The following DMRT1 variants were observed in gnomAD, a reference collection of about 807,000 sequenced individuals.
DMRT1 encodes doublesex- and mab-3-related transcription factor 1.
Under a neutral mutation model 32.3 loss-of-function variants are expected in DMRT1, and 7 were observed. The observed-to-expected ratio is 0.22, with a 90% CI of 0.12 to 0.41. The LOEUF (loss-of-function observed/expected upper bound fraction) is 0.41, where lower values mean the gene tolerates loss of function less well. Among genes scored for constraint, DMRT1 ranks in the 10% least tolerant of loss-of-function variants. The pLI is 1.00. For missense variants in DMRT1, 625 were observed against 500.5 expected, an observed-to-expected ratio of 1.25 and a Z score of -2.37; for synonymous variants, 278 against 206.1, an observed-to-expected ratio of 1.35 and a Z score of -2.99.
chr9:853,221 T>C (rs1345067263), intron 2 of DMRT1, among the ~76,000 whole-genome samples: 1 of 152,134 alleles, frequency 6.6e-6, no homozygotes, highest in African/African-American at 2.4e-5. Flanking sequence ...GTGCATTTGC[T>C]AGCATCGATG....
chr9:843,511 C>T (rs1345566569), intron 1 of DMRT1, among the ~76,000 whole-genome samples: 4 of 152,144 alleles, frequency 2.6e-5, no homozygotes, highest in Non-Finnish European at 5.9e-5. Flanking sequence ...AAAAAGCGCG[C>T]CAGGGTTTGA....
At chr9:961,680 T>C (rs1819777040) in intron 4 of DMRT1, among the ~76,000 whole-genome samples, 1 of 152,200 alleles carries the variant, frequency 6.6e-6, no homozygotes, top group African/African-American at 2.4e-5. Context: ...ATAGTAAACA[T>C]GTATTCCTGG....
intron 4 of DMRT1, among the ~76,000 whole-genome samples, chr9:952,735 G>GA (rs775841619): frequency 6.6e-6 from 1 of 152,174 alleles, no homozygotes; most frequent in African/African-American, 2.4e-5. Flanking sequence ...CACTGAAGAT[G>GA]AACCAAGTGT....
Position 871,637 on chromosome 9 carries a change from GCTAA to G in DMRT1, c.539-22272_539-22269del, listed in dbSNP as rs1325168874. On this transcript the variant is annotated intron_variant, in intron 2 of 4. Transcript: ENST00000382276. ...ATTACAGACGCGAGCCACCGCGCCG[GCTAA>G]CTTTTTGTATTTTTAGTAGAGACGG... Among the ~76,000 whole-genome samples, 5 of 137,294 alleles carry G rather than the reference GCTAA, an allele frequency of 3.6e-5. No individual in the cohort carries two copies. In the East Asian group the frequency reaches 6.3e-4, roughly 17 times the overall value. 90.1% of individuals were successfully genotyped at this position (137,294 alleles called of 152,430 possible).
At chr9:956,701 AT>A (rs1350426608) in intron 4 of DMRT1, among the ~76,000 whole-genome samples, 2 of 152,238 alleles carry the variant, frequency 1.3e-5, no homozygotes, top group Non-Finnish European at 1.5e-5. Flanking sequence ...GAAGAAGCCA[AT>A]TTGTTGACCA....
intron 3 of DMRT1, among the ~76,000 whole-genome samples, chr9:895,948 GCA>G: frequency 6.6e-6 from 1 of 151,790 alleles, no homozygotes; most frequent in Non-Finnish European, 1.5e-5. Context: ...GGGACTACAG[GCA>G]CGCGCCACCA....
At chr9:891,847 T>A (rs1023469964) in intron 2 of DMRT1, among the ~76,000 whole-genome samples, 6 of 152,196 alleles carry the variant, frequency 3.9e-5, no homozygotes, top group Non-Finnish European at 8.8e-5. Context: ...TTAACTCACA[T>A]TATTTTTGAT....
Position 942,562 on chromosome 9 carries a change from T to G in DMRT1, c.968-25423T>G, listed in dbSNP as rs72701047. ...TTTTGGGATTACAGGTGTGAGCCAC[T>G]GTGCCTGGCCTATTTTTCATTTTAA... On this transcript the variant is annotated intron_variant, in intron 4 of 4. Coordinates refer to ENST00000382276, the MANE Select transcript of DMRT1 (RefSeq NM_021951.3). 9.8e-3 allele frequency among the ~76,000 whole-genome samples: 1,492 copies of G among 152,318 alleles called. 25 individuals carry two copies. Among genetic ancestry groups the G allele is most frequent in the African/African-American group, 0.034 (1,419 of 41,570 alleles).
intron 2 of DMRT1, among the ~76,000 whole-genome samples, chr9:856,342 T>C (rs1815400254): frequency 6.6e-6 from 1 of 152,184 alleles, no homozygotes; most frequent in African/African-American, 2.4e-5. Flanking sequence ...ATTCACAGGG[T>C]TGTACCACAG....
At chr9:882,968 C>T (rs1160297432) in intron 2 of DMRT1, among the ~76,000 whole-genome samples, 11 of 151,728 alleles carry the variant, frequency 7.2e-5, no homozygotes, top group Non-Finnish European at 1.3e-4. Context: ...GACGGGGTTT[C>T]ACCATGTTGG....
At chr9:878,187 A>C in intron 2 of DMRT1, among the ~76,000 whole-genome samples, 1 of 145,854 alleles carries the variant, frequency 6.9e-6, no homozygotes, top group African/African-American at 2.6e-5. Flanking sequence ...TCAGCCCTGG[A>C]ACTGCAGCTG....
At chr9:872,682 T>G (rs1816325682) in intron 2 of DMRT1, among the ~76,000 whole-genome samples, 3 of 152,258 alleles carry the variant, frequency 2.0e-5, no homozygotes, top group Admixed American at 1.3e-4. Context: ...TACTTATCAG[T>G]ATTTTATTGT....
chr9:935,961 G>A (rs1818872316), intron 4 of DMRT1, among the ~76,000 whole-genome samples: 1 of 152,130 alleles, frequency 6.6e-6, no homozygotes, highest in Non-Finnish European at 1.5e-5. Context: ...CCTCCCATAA[G>A]TGAAATATCC....
At chr9:881,184 G>T in intron 2 of DMRT1, among the ~76,000 whole-genome samples, 1 of 152,134 alleles carries the variant, frequency 6.6e-6, no homozygotes, top group Non-Finnish European at 1.5e-5. Flanking sequence ...AAACATTCTT[G>T]GTAGGGAGGG....
intron 2 of DMRT1, among the ~76,000 whole-genome samples, chr9:871,675 C>T (rs953991832): frequency 1.7e-4 from 25 of 149,158 alleles, no homozygotes; most frequent in Middle Eastern, 3.6e-3. Flanking sequence ...GGGGTTTCAC[C>T]GTGTTAGCCA....
chr9:877,692 A>T (rs905388164), intron 2 of DMRT1, among the ~76,000 whole-genome samples: 1 of 152,248 alleles, frequency 6.6e-6, no homozygotes, highest in African/African-American at 2.4e-5. Flanking sequence ...TCACTTTCCC[A>T]GTAGCAGTCT....
intron 2 of DMRT1, among the ~76,000 whole-genome samples, chr9:858,054 C>G (rs1209704298): frequency 6.6e-6 from 1 of 151,984 alleles, no homozygotes; most frequent in Non-Finnish European, 1.5e-5. Flanking sequence ...GGTTTCAAGT[C>G]TTTGCTATTG....
chr9:942,620 A>G (rs1417455741), intron 4 of DMRT1, among the ~76,000 whole-genome samples: 1 of 152,050 alleles, frequency 6.6e-6, no homozygotes, highest in African/African-American at 2.4e-5. Flanking sequence ...TGATCTCTCA[A>G]ATTTTTAAAA....
chr9:958,542 T>G lies in DMRT1; in HGVS notation c.968-9443T>G, dbSNP rs544427306. 6.6e-5 allele frequency among the ~76,000 whole-genome samples: 10 copies of G among 152,234 alleles called. No homozygotes were observed. The South Asian group carries it at 2.1e-3, about 32-fold the overall frequency. On this transcript the variant is annotated intron_variant, in intron 4 of 4. Coordinates refer to ENST00000382276, the MANE Select transcript of DMRT1 (RefSeq NM_021951.3). ...CCACCACACCCAGCTGATTTTTGTATTTTTAGTAGAGACAGGGTTTCACCA... is the reference window on the plus strand; with the variant it reads ...CCACCACACCCAGCTGATTTTTGTAGTTTTAGTAGAGACAGGGTTTCACCA...
Sources: gnomAD v4.1 joint callset for allele counts (sites outside exome capture counted in the v4.1 genomes callset) on GRCh38, gnomAD v4.1.1 for gene constraint, MANE v1.5 for transcripts, NCBI Gene and HGNC (gene_info 2026-07-23, HGNC 2026-07-21) for gene names.